The following CADPS2 variants were observed in gnomAD, a reference collection of about 807,000 sequenced individuals.
CADPS2 encodes the protein calcium dependent secretion activator 2.
CADPS2 carries 93 observed loss-of-function variants against 172.5 expected under a neutral mutation model. The observed-to-expected ratio is 0.54, with a 90% confidence interval of 0.46 to 0.64. The LOEUF is 0.64. CADPS2 is among the 30% of genes least tolerant of loss of function. The pLI is 0.00. For missense variants in CADPS2, 1,420 were observed against 1,565.9 expected (o/e 0.91, Z 1.57); for synonymous variants, 546 against 555.2 (o/e 0.98, Z 0.23).
chr7:122,448,037 A>T (rs543435496), intron 15 of CADPS2, among the ~76,000 whole-genome samples: 1 of 152,268 alleles, frequency 6.6e-6, no homozygotes, highest in South Asian at 2.1e-4. Flanking sequence ...AGTTTCTCAG[A>T]ATTATGAAGT....
At chr7:122,440,229 C>T (rs1038788008) in intron 16 of CADPS2, 1 of 152,084 alleles carries the variant, frequency 6.6e-6, no homozygotes, top group East Asian at 1.9e-4. Flanking sequence ...CAATGGAGGG[C>T]AGGAGGGCAT....
chr7:122,864,629 T>C (rs990870205), intron 1 of CADPS2, among the ~76,000 whole-genome samples: 15 of 152,096 alleles, frequency 9.9e-5, no homozygotes, highest in African/African-American at 3.6e-4. Context: ...GCAATTAATA[T>C]TGTCAGCAAG....
chr7:122,474,262 G>T (rs181384808), intron 13 of CADPS2, 119 bp downstream of exon 13: 52 of 1,076,988 alleles, frequency 4.8e-5, no homozygotes, highest in Non-Finnish European at 6.3e-5. Context: ...AATGAGTCAG[G>T]AATAAAATGC....
intron 7 of CADPS2, among the ~76,000 whole-genome samples, chr7:122,572,680 T>C (rs1364025858): frequency 6.6e-6 from 1 of 152,294 alleles, no homozygotes; most frequent in South Asian, 2.1e-4. Context: ...GACTGCTATT[T>C]AGATTTTTAT....
chr7:122,373,421 C>T (rs1299691776), intron 25 of CADPS2, among the ~76,000 whole-genome samples: 2 of 152,138 alleles, frequency 1.3e-5, no homozygotes, highest in Admixed American at 1.3e-4. Context: ...TGTGTGCTAA[C>T]ATTTAAGAAT....
intron 8 of CADPS2, among the ~76,000 whole-genome samples, chr7:122,537,783 A>G (rs1423018156): frequency 1.3e-5 from 2 of 151,884 alleles, no homozygotes; most frequent in Non-Finnish European, 2.9e-5. Flanking sequence ...TAGTCCTTTG[A>G]AAAGATTAGT....
chr7:122,623,582 C>A (rs540329159), intron 4 of CADPS2, among the ~76,000 whole-genome samples: 1 of 152,164 alleles, frequency 6.6e-6, no homozygotes, highest in Admixed American at 6.5e-5. Context: ...TAATATAACC[C>A]ACAGGTTCAG....
intron 7 of CADPS2, among the ~76,000 whole-genome samples, chr7:122,580,838 C>A (rs781619872): frequency 3.9e-5 from 6 of 152,034 alleles, no homozygotes; most frequent in African/African-American, 1.4e-4. Context: ...AACCCAGGGA[C>A]AAAAATATGT....
intron 7 of CADPS2, among the ~76,000 whole-genome samples, chr7:122,568,768 G>A (rs914794450): frequency 2.0e-5 from 3 of 152,090 alleles, no homozygotes; most frequent in African/African-American, 7.2e-5. Context: ...TTCCAACTTT[G>A]GGTTTGGTGA....
intron 7 of CADPS2, among the ~76,000 whole-genome samples, chr7:122,559,287 T>G (rs1264015080): frequency 2.6e-5 from 4 of 152,106 alleles, no homozygotes; most frequent in African/African-American, 9.7e-5. Flanking sequence ...AAACACATGA[T>G]TCCAATGCTG....
intron 14 of CADPS2, among the ~76,000 whole-genome samples, chr7:122,466,746 A>G (rs1279972910): frequency 6.6e-6 from 1 of 152,218 alleles, no homozygotes; most frequent in African/African-American, 2.4e-5. Flanking sequence ...TTGAGTAGGT[A>G]GCATTAATGT....
At chr7:122,642,411 G>A (rs1028056411) in intron 3 of CADPS2, among the ~76,000 whole-genome samples, 5 of 152,116 alleles carry the variant, frequency 3.3e-5, no homozygotes, top group Admixed American at 3.3e-4. Context: ...TGGGAAATAG[G>A]AAGGTCTTCG....
intron 25 of CADPS2, among the ~76,000 whole-genome samples, chr7:122,365,649 G>A (rs1321881846): frequency 6.6e-6 from 1 of 152,114 alleles, no homozygotes; most frequent in South Asian, 2.1e-4. Context: ...TGAGGGTGTC[G>A]GGTTGGAATG....
intron 25 of CADPS2, among the ~76,000 whole-genome samples, chr7:122,378,391 G>A (rs1421479164): frequency 2.0e-5 from 3 of 152,156 alleles, no homozygotes; most frequent in Non-Finnish European, 2.9e-5. Context: ...TGCCTCACCT[G>A]AAACTGAATG....
At chr7:122,569,759 C>T (rs1365229734) in intron 7 of CADPS2, among the ~76,000 whole-genome samples, 1 of 147,126 alleles carries the variant, frequency 6.8e-6, no homozygotes, top group Non-Finnish European at 1.5e-5. Flanking sequence ...TTTGACAAAC[C>T]TGAGAAAAAC....
intron 11 of CADPS2, among the ~76,000 whole-genome samples, chr7:122,488,139 A>C (rs2058000258): frequency 6.6e-6 from 1 of 152,200 alleles, no homozygotes; most frequent in South Asian, 2.1e-4. Context: ...CAACAACAAG[A>C]ATCAAAACTC....
At chr7:122,569,226 A>C (rs1176348813) in intron 7 of CADPS2, among the ~76,000 whole-genome samples, 1 of 152,166 alleles carries the variant, frequency 6.6e-6, no homozygotes, top group East Asian at 1.9e-4. Flanking sequence ...AAGCATTCTT[A>C]TACACCAATA....
chr7:122,573,509 C>A (rs1419721781), intron 7 of CADPS2, among the ~76,000 whole-genome samples: 2 of 152,040 alleles, frequency 1.3e-5, no homozygotes, highest in African/African-American at 4.8e-5. Context: ...GCCTGGGCAA[C>A]AGAGTGAGAC....
At chr7:122,321,180 CTGAT>C (rs1402875055) in intron 29 of CADPS2, among the ~76,000 whole-genome samples, 1 of 152,120 alleles carries the variant, frequency 6.6e-6, no homozygotes, top group African/African-American at 2.4e-5. Context: ...GATTGATTGA[CTGAT>C]TGAGACAGGT....
Sources: gnomAD v4.1 joint callset for allele counts (sites outside exome capture counted in the v4.1 genomes callset) on GRCh38, gnomAD v4.1.1 for gene constraint, MANE v1.5 for transcripts, NCBI Gene and HGNC (gene_info 2026-07-23, HGNC 2026-07-21) for gene names.